The following RXFP2 variants were observed in gnomAD, a reference collection of about 807,000 sequenced individuals.
RXFP2 encodes the protein relaxin receptor 2.
RXFP2 carries 68 observed loss-of-function variants against 88.6 expected under a neutral mutation model. The observed-to-expected ratio is 0.77, with a 90% CI of 0.63 to 0.94. The LOEUF (loss-of-function observed/expected upper bound fraction) is 0.94, where lower values mean the gene tolerates loss of function less well. Ranked by LOEUF, RXFP2 falls within the 40% of genes least tolerant of loss-of-function variation. RXFP2 has a pLI of 0.00. For synonymous variants in RXFP2, 329 were observed against 306.8 expected, an observed-to-expected ratio of 1.07 and a Z score of -0.76; for missense variants, 791 against 893.9, an observed-to-expected ratio of 0.88 and a Z score of 1.47.
chr13:31,799,273 G>A lies in RXFP2; in HGVS notation c.2005+1854G>A, dbSNP rs557141970. On this transcript the variant is annotated intron_variant, in intron 17 of 17. Coordinates refer to ENST00000298386, the MANE Select transcript of RXFP2 (RefSeq NM_130806.5). ...GTTGCCCAGGCTGGAGTGCAGTGGT[G>A]TGATCCCAACTGACTGCAACCTCTG... Among the ~76,000 whole-genome samples the A allele has an allele frequency of 1.6e-4, 24 of 151,554 alleles. No homozygotes were observed. In the South Asian group the frequency reaches 4.8e-3, roughly 30 times the overall value.
intron 5 of RXFP2, among the ~76,000 whole-genome samples, chr13:31,768,617 G>A (rs1028824960): frequency 5.9e-5 from 9 of 152,210 alleles, no homozygotes; most frequent in Non-Finnish European, 1.2e-4. Flanking sequence ...ACATAGTCCA[G>A]GCTCAGAATA....
At chr13:31,798,639 C>T (rs1874172725) in intron 17 of RXFP2, among the ~76,000 whole-genome samples, 1 of 152,186 alleles carries the variant, frequency 6.6e-6, no homozygotes, top group Non-Finnish European at 1.5e-5. Flanking sequence ...CGTTGGCCTC[C>T]ATTGCTCATG....
At chr13:31,765,464 CACTT>C (rs1346312059) in intron 4 of RXFP2, among the ~76,000 whole-genome samples, 1 of 151,758 alleles carries the variant, frequency 6.6e-6, no homozygotes, top group Non-Finnish European at 1.5e-5. Flanking sequence ...GAAGCACACT[CACTT>C]ATTCTACGTT....
At chr13:31,759,440 A>AGAAAGAAAGAAG (rs1555281735) in intron 2 of RXFP2, among the ~76,000 whole-genome samples, 3 of 134,362 alleles carry the variant, frequency 2.2e-5, no homozygotes, top group Admixed American at 1.5e-4. Context: ...AAAGAAAGAA[A>AGAAAGAAAGAAG]GAAAGATACT....
At chr13:31,741,343 G>A (rs1871219021) in intron 1 of RXFP2, among the ~76,000 whole-genome samples, 1 of 151,790 alleles carries the variant, frequency 6.6e-6, no homozygotes, top group South Asian at 2.1e-4. Flanking sequence ...AAACCTTTAT[G>A]TTTAAAATGA....
chr13:31,788,724 A>G (rs1254194043), intron 13 of RXFP2, among the ~76,000 whole-genome samples: 1 of 152,160 alleles, frequency 6.6e-6, no homozygotes, highest in Non-Finnish European at 1.5e-5. Flanking sequence ...TTAAATCCAG[A>G]TTCTCACAAA....
intron 16 of RXFP2, among the ~76,000 whole-genome samples, chr13:31,793,343 T>C (rs1178323728): frequency 6.6e-6 from 1 of 152,180 alleles, no homozygotes; most frequent in Non-Finnish European, 1.5e-5. Context: ...ATAAGATCCT[T>C]TGATTTCATG....
chr13:31,774,813 T>G, intron 6 of RXFP2, 122 bp downstream of exon 6: 1 of 706,318 alleles, frequency 1.4e-6, no homozygotes, highest in Non-Finnish European at 2.6e-6. Flanking sequence ...TATCACAAAG[T>G]ACTTAGATTA....
chr13:31,744,402 C>A (rs1337343467), intron 1 of RXFP2, among the ~76,000 whole-genome samples: 1 of 152,054 alleles, frequency 6.6e-6, no homozygotes, highest in African/African-American at 2.4e-5. Context: ...GGAACTTTGC[C>A]CCAGGTCAGT....
intron 8 of RXFP2, 90 bp from the exon 9 acceptor site, chr13:31,778,422 A>G (rs536701959): frequency 9.2e-6 from 8 of 866,886 alleles, no homozygotes; most frequent in Admixed American, 3.8e-5. Flanking sequence ...TAATTTTAGC[A>G]CGCAAGTTTT....
chr13:31,792,158 AT>A (rs202033181), intron 15 of RXFP2, 123 bp downstream of exon 15: 86 of 734,074 alleles, frequency 1.2e-4, no homozygotes, highest in Non-Finnish European at 1.4e-4. Flanking sequence ...TCCTGGGCAC[AT>A]TTTTTTTTCT....
chr13:31,790,293 A>G (rs563527128), intron 14 of RXFP2, among the ~76,000 whole-genome samples: 1 of 152,288 alleles, frequency 6.6e-6, no homozygotes, highest in South Asian at 2.1e-4. Flanking sequence ...GAGAGATGCT[A>G]GACGGTTCTA....
At chr13:31,765,761 ATAC>A (rs1872524539) in intron 4 of RXFP2, among the ~76,000 whole-genome samples, 192 bp from the exon 5 acceptor site, 1 of 152,188 alleles carries the variant, frequency 6.6e-6, no homozygotes, top group Non-Finnish European at 1.5e-5. Flanking sequence ...CATTTGTCAA[ATAC>A]TCACAAGCTA....
chr13:31,748,277 C>A (rs1566212747), intron 1 of RXFP2, among the ~76,000 whole-genome samples: 1 of 152,132 alleles, frequency 6.6e-6, no homozygotes, highest in Non-Finnish European at 1.5e-5. Flanking sequence ...GTAGGGTTTG[C>A]ACAATTTCAA....
chr13:31,740,913 A>G lies in RXFP2; in HGVS notation c.94+1207A>G, dbSNP rs114701770. 7.8e-3 allele frequency among the ~76,000 whole-genome samples: 1,190 copies of G among 152,150 alleles called. 4 individuals are homozygous for G. The highest frequency in any genetic ancestry group is 0.017 in the Middle Eastern group (5 of 294). Reference sequence around the variant, plus strand: ...GTCCTACTTCAGAAGTTCATGTTCTATCCACATTTGAATATTCAATTTTAT... The same window carrying G: ...GTCCTACTTCAGAAGTTCATGTTCTGTCCACATTTGAATATTCAATTTTAT... On this transcript the variant is annotated intron_variant, in intron 1 of 17. Transcript: ENST00000298386.
intron 6 of RXFP2, 122 bp from the exon 7 acceptor site, chr13:31,775,196 C>A: frequency 1.2e-6 from 1 of 841,236 alleles, no homozygotes; most frequent in Non-Finnish European, 2.0e-6. Context: ...GCTCATTCAG[C>A]CGAATACTTT....
chr13:31,773,633 G>A (rs942144468), intron 5 of RXFP2, among the ~76,000 whole-genome samples: 1 of 152,038 alleles, frequency 6.6e-6, no homozygotes, highest in East Asian at 1.9e-4. Context: ...GTCTGAAAGA[G>A]TCACCATCCT....
Position 31,774,678 on chromosome 13 carries a change from A to G in RXFP2, c.556A>G (p.Asn186Asp). ...CAGGAAAGCATTTTTTGGATTATGT[A>G]ATCTGCAAATATTGTGAGTAACCTC... Reference protein sequence around the residue: ...ISRKAFFGLCNLQILYLNHNC... With the variant: ...ISRKAFFGLCDLQILYLNHNC... The change falls in exon 6 of 18, where the codon AAT becomes GAT. Residue 186 changes from asparagine (N) to aspartate (D), a missense_variant. Physicochemically the swap from Asn to Asp is conservative, Grantham distance 23. Coordinates refer to ENST00000298386, the MANE Select transcript of RXFP2 (RefSeq NM_130806.5). The G allele has an allele frequency of 6.6e-7, 1 of 1,506,572 alleles. No homozygotes were observed. The highest frequency in any genetic ancestry group is 9.2e-7 in the Non-Finnish European group (1 of 1,082,142). 93.3% of individuals were successfully genotyped at this position (1,506,572 alleles called of 1,614,324 possible).
At position 31,765,107 on chromosome 13, in the gene RXFP2, G is replaced by T. The variant is rs759652762; in HGVS notation, c.390G>T (p.Lys130Asn). ...TGGAATGTGTAAATGGTGACTTAAAGTCTGTGCCGATGATTTCTAACAATG... is the reference window on the plus strand; with the variant it reads ...TGGAATGTGTAAATGGTGACTTAAATTCTGTGCCGATGATTTCTAACAATG... ...TELECVNGDL[K>N]SVPMISNNVT... Residue 130 changes from lysine (K) to asparagine (N), a missense_variant, in exon 4 of 18, where the codon AAG becomes AAT. By Grantham distance (94) the Lys-to-Asn change is moderately conservative (BLOSUM62 0). Transcript: ENST00000298386. 7 of 1,610,116 alleles carry T rather than the reference G, an allele frequency of 4.3e-6. 1 individual carries two copies. The South Asian group carries it at 5.5e-5, about 13-fold the overall frequency.
Sources: gnomAD v4.1 joint callset for allele counts (sites outside exome capture counted in the v4.1 genomes callset) on GRCh38, gnomAD v4.1.1 for gene constraint, MANE v1.5 for transcripts, NCBI Gene and HGNC (gene_info 2026-07-23, HGNC 2026-07-21) for gene names.